The following RPSA2 variants were observed in gnomAD, a reference collection of about 807,000 sequenced individuals.
RPSA2 encodes ribosomal protein SA 2.
the RPSA2 span, among the ~76,000 whole-genome samples, chr19:23,777,947 A>G: frequency 6.6e-6 from 1 of 152,178 alleles, no homozygotes; most frequent in Admixed American, 6.5e-5. Context: ...GTCCTTGTTC[A>G]CTAGGGGATA....
chr19:23,804,900 T>TAA, the RPSA2 span, among the ~76,000 whole-genome samples: 1 of 152,166 alleles, frequency 6.6e-6, no homozygotes, highest in South Asian at 2.1e-4. Flanking sequence ...TTGTTTTAAT[T>TAA]AAGTGTCTCA....
the RPSA2 span, among the ~76,000 whole-genome samples, chr19:23,838,738 G>T: frequency 4.1e-5 from 5 of 122,552 alleles, no homozygotes; most frequent in East Asian, 4.8e-4. Context: ...TGTGTGTAAA[G>T]GTGTTCTTAG....
At chr19:23,862,092 C>A in the RPSA2 span, among the ~76,000 whole-genome samples, 2 of 152,058 alleles carry the variant, frequency 1.3e-5, no homozygotes, top group Non-Finnish European at 2.9e-5. Context: ...AGGTCCTTCA[C>A]GTCCCTTGTA....
chr19:23,837,462 A>G, the RPSA2 span, among the ~76,000 whole-genome samples: 1 of 148,938 alleles, frequency 6.7e-6, no homozygotes, highest in Non-Finnish European at 1.5e-5. Flanking sequence ...TGGGCTTCGT[A>G]TGATTTTTTG....
At chr19:23,790,403 G>A in the RPSA2 span, among the ~76,000 whole-genome samples, 1 of 152,106 alleles carries the variant, frequency 6.6e-6, no homozygotes, top group Non-Finnish European at 1.5e-5. Flanking sequence ...ATTTTCCCAT[G>A]TTCTGGGGTG....
the RPSA2 span, among the ~76,000 whole-genome samples, chr19:23,765,173 T>C: frequency 1.3e-5 from 2 of 152,224 alleles, no homozygotes; most frequent in Non-Finnish European, 2.9e-5. Context: ...CACAAAGGAA[T>C]GCTTCTACAC....
At chr19:23,868,342 G>A in the RPSA2 span, among the ~76,000 whole-genome samples, 9 of 152,226 alleles carry the variant, frequency 5.9e-5, no homozygotes, top group South Asian at 8.3e-4. Flanking sequence ...ACTGTCTGTC[G>A]CCGTTTGCTC....
the RPSA2 span, among the ~76,000 whole-genome samples, chr19:23,862,155 C>A: frequency 6.6e-6 from 1 of 152,120 alleles, no homozygotes; most frequent in African/African-American, 2.4e-5. Context: ...AATGGGAGTT[C>A]ACTCGTGATT....
chr19:23,773,864 T>C, the RPSA2 span, among the ~76,000 whole-genome samples: 1 of 152,224 alleles, frequency 6.6e-6, no homozygotes, highest in Admixed American at 6.5e-5. Flanking sequence ...TTGTAACTCC[T>C]GTTCTTAGAC....
At chr19:23,793,714 C>T in the RPSA2 span, among the ~76,000 whole-genome samples, 1 of 152,094 alleles carries the variant, frequency 6.6e-6, no homozygotes, top group Non-Finnish European at 1.5e-5. Context: ...AGGTGCCCAC[C>T]ACCATCATGC....
chr19:23,831,867 T>C, the RPSA2 span: 4 of 293,438 alleles, frequency 1.4e-5, no homozygotes, highest in African/African-American at 4.6e-5. Flanking sequence ...AAATAAGATA[T>C]ACTGGAAGAA....
chr19:23,832,720 A>C, the RPSA2 span: 1 of 1,531,074 alleles, frequency 6.5e-7, no homozygotes, highest in Admixed American at 1.8e-5. Context: ...GAAACCCTAC[A>C]AATGTGAAGA....
chr19:23,836,594 A>G, the RPSA2 span, among the ~76,000 whole-genome samples: 1 of 152,312 alleles, frequency 6.6e-6, no homozygotes. Context: ...GAATTTCCAC[A>G]GTTTCCTATA....
the RPSA2 span, among the ~76,000 whole-genome samples, chr19:23,808,315 GC>G: frequency 1.6e-5 from 2 of 128,972 alleles, no homozygotes; most frequent in African/African-American, 6.0e-5. Flanking sequence ...TGTCACCCAG[GC>G]TAGAGTACAG....
chr19:23,778,991 G>T, the RPSA2 span, among the ~76,000 whole-genome samples: 4 of 106,642 alleles, frequency 3.8e-5, no homozygotes, highest in Non-Finnish European at 7.4e-5. Flanking sequence ...TGATTTTTGT[G>T]ACACTTTTTT....
the RPSA2 span, among the ~76,000 whole-genome samples, chr19:23,822,497 G>A: frequency 6.6e-6 from 1 of 152,188 alleles, no homozygotes; most frequent in Non-Finnish European, 1.5e-5. Flanking sequence ...CCGTGTAGGA[G>A]GGGGTATGAT....
the RPSA2 span, among the ~76,000 whole-genome samples, chr19:23,759,522 G>GTTTTTTT: frequency 0.73 from 64,472 of 88,842 alleles, 24,439 homozygotes; most frequent in Middle Eastern, 0.82. Flanking sequence ...TATATATCAG[G>GTTTTTTT]TTTTTTTTTT....
chr19:23,856,234 C>A, the RPSA2 span, among the ~76,000 whole-genome samples: 22 of 152,028 alleles, frequency 1.4e-4, no homozygotes, highest in African/African-American at 5.3e-4. Context: ...GGCCAAATCA[C>A]CCCAAACGGT....
the RPSA2 span, among the ~76,000 whole-genome samples, chr19:23,858,425 AG>A: frequency 3.5e-5 from 5 of 144,490 alleles, no homozygotes; most frequent in East Asian, 9.6e-4. Flanking sequence ...AAGAACAACT[AG>A]AGTTTGCTGT....
Sources: gnomAD v4.1 joint callset for allele counts (sites outside exome capture counted in the v4.1 genomes callset) on GRCh38, gnomAD v4.1.1 for gene constraint, MANE v1.5 for transcripts, NCBI Gene and HGNC (gene_info 2026-07-23, HGNC 2026-07-21) for gene names.